Variants in ADRA1B observed in about 807,000 individuals in gnomAD.
The protein encoded by ADRA1B is alpha-1B adrenergic receptor.
Under a neutral mutation model 17.9 loss-of-function variants are expected in ADRA1B, and 17 were observed. The observed-to-expected ratio is 0.95, with a 90% confidence interval of 0.65 to 1.42. ADRA1B has a LOEUF of 1.42. Among genes scored for constraint, ADRA1B ranks in the 40% most tolerant of loss-of-function variants. ADRA1B has a pLI of 0.00. For synonymous variants in ADRA1B, 366 were observed against 327.6 expected (o/e 1.12, Z -1.27); for missense variants, 681 against 722.1 (o/e 0.94, Z 0.65).
intron 1 of ADRA1B, among the ~76,000 whole-genome samples, chr5:159,910,613 ACT>A (rs1465484970): frequency 2.0e-5 from 3 of 152,196 alleles, no homozygotes; most frequent in African/African-American, 4.8e-5. Context: ...CAGCTACTCA[ACT>A]CTGCCATTAT....
At chr5:159,963,941 GC>G (rs1306551344) in intron 1 of ADRA1B, among the ~76,000 whole-genome samples, 3 of 152,120 alleles carry the variant, frequency 2.0e-5, no homozygotes, top group Non-Finnish European at 4.4e-5. Context: ...TGGGCTCACG[GC>G]AACATCTGTT....
the ADRA1B span, among the ~76,000 whole-genome samples, chr5:159,982,459 A>C: frequency 2.0e-5 from 3 of 152,176 alleles, no homozygotes; most frequent in African/African-American, 7.2e-5. Context: ...AACAACCCAG[A>C]ACACTGGGAC....
chr5:159,939,322 T>TGTGCGCGCGC lies in ADRA1B; in HGVS notation c.949+21469_949+21470insTGCGCGCGCG, dbSNP rs1554090928. 1.1e-4 allele frequency among the ~76,000 whole-genome samples: 12 copies of TGTGCGCGCGC among 107,664 alleles called. No individual in the cohort carries two copies. The East Asian group carries it at 2.8e-3, about 26-fold the overall frequency. 70.6% of individuals were successfully genotyped at this position (107,664 alleles called of 152,430 possible). A position where few individuals can be genotyped will look rare whatever the true frequency, so the allele number is the denominator to read the frequency against. On this transcript the variant is annotated intron_variant, in intron 1 of 1. Transcript: ENST00000306675. Reference sequence around the variant, plus strand: ...GTGTGTGTGTGTGTGTGTGTGTGTGTGCGCGCGCGCGCGCACACAATGCAC... The same window carrying TGTGCGCGCGC: ...GTGTGTGTGTGTGTGTGTGTGTGTGTGTGCGCGCGCGCGCGCGCGCGCGCACACAATGCAC...
rs1214605078 is a variant in ADRA1B, at chr5:159,917,812, T to C, written c.907T>C (p.Phe303Leu). 3 of 1,612,828 alleles carry C rather than the reference T, an allele frequency of 1.9e-6. No homozygotes were observed. Among genetic ancestry groups the C allele is most frequent in the Non-Finnish European group, 2.5e-6 (3 of 1,179,756 alleles). The change falls in exon 1 of 2, where the codon TTC (phenylalanine) becomes CTC (leucine). Residue 303 changes from phenylalanine to leucine, a missense_variant. Around this residue, in one of 3 missense-constraint regions of ADRA1B, gnomAD observed 424 missense variants for 480.2 expected, o/e 0.88. Coordinates refer to ENST00000306675, the MANE Select transcript of ADRA1B (RefSeq NM_000679.4). ...AKTLGIVVGM[F>L]ILCWLPFFIA... ...GACGTTGGGCATTGTGGTCGGTATG[T>C]TCATCTTGTGCTGGCTACCCTTCTT...
intron 1 of ADRA1B, among the ~76,000 whole-genome samples, chr5:159,899,974 A>G (rs1754084217): frequency 6.6e-6 from 1 of 152,214 alleles, no homozygotes; most frequent in Non-Finnish European, 1.5e-5. Context: ...TTTTTTCCAA[A>G]TACCCAACTA....
chr5:159,874,687 C>A (rs1314303159), intron 1 of ADRA1B, among the ~76,000 whole-genome samples: 1 of 152,148 alleles, frequency 6.6e-6, no homozygotes, highest in Non-Finnish European at 1.5e-5. Flanking sequence ...AATTTAACAG[C>A]CTGAAGAATT....
At chr5:159,879,662 T>A (rs902128248) in intron 1 of ADRA1B, among the ~76,000 whole-genome samples, 6 of 152,182 alleles carry the variant, frequency 3.9e-5, no homozygotes, top group African/African-American at 1.4e-4. Context: ...TGTGTGTGGG[T>A]ACATGTGTGT....
At chr5:159,932,883 T>C (rs1256132019) in intron 1 of ADRA1B, among the ~76,000 whole-genome samples, 8 of 152,338 alleles carry the variant, frequency 5.3e-5, no homozygotes, top group South Asian at 2.1e-4. Context: ...TTTTTTCAGA[T>C]AGATCTCCAT....
chr5:159,975,473 A>G (rs769244937), downstream of ADRA1B, among the ~76,000 whole-genome samples: 1 of 152,252 alleles, frequency 6.6e-6, no homozygotes, highest in Non-Finnish European at 1.5e-5. Context: ...TCATTGTAGT[A>G]TAAACACCGA....
At chr5:159,870,906 G>A (rs1753730645) in intron 1 of ADRA1B, 1 of 152,216 alleles carries the variant, frequency 6.6e-6, no homozygotes, top group Non-Finnish European at 1.5e-5. Flanking sequence ...ATCAATTGTT[G>A]TTGCTTCAGC....
intron 1 of ADRA1B, among the ~76,000 whole-genome samples, chr5:159,969,262 T>C (rs1755825974): frequency 6.6e-6 from 1 of 152,214 alleles, no homozygotes; most frequent in African/African-American, 2.4e-5. Context: ...TCTTTCTAAG[T>C]TGAACTCCTG....
At chr5:159,904,824 C>T (rs965179448) in intron 1 of ADRA1B, among the ~76,000 whole-genome samples, 1 of 152,212 alleles carries the variant, frequency 6.6e-6, no homozygotes, top group Non-Finnish European at 1.5e-5. Context: ...ACTTTTAATT[C>T]ATCCTTGTAT....
chr5:159,871,899 A>G (rs1322413908), intron 1 of ADRA1B, among the ~76,000 whole-genome samples: 1 of 152,102 alleles, frequency 6.6e-6, no homozygotes, highest in Non-Finnish European at 1.5e-5. Context: ...CTATTTAAAC[A>G]TCTCTCTGCA....
chr5:159,969,327 G>C (rs1755827468), intron 1 of ADRA1B, among the ~76,000 whole-genome samples: 1 of 152,210 alleles, frequency 6.6e-6, no homozygotes, highest in Non-Finnish European at 1.5e-5. Flanking sequence ...AGCCACTACT[G>C]AGTTACTGGG....
At chr5:159,890,329 A>G (rs1322145916) in intron 1 of ADRA1B, among the ~76,000 whole-genome samples, 1 of 152,202 alleles carries the variant, frequency 6.6e-6, no homozygotes, top group Non-Finnish European at 1.5e-5. Context: ...CAGGTGTAGG[A>G]TACTTGCCCT....
chr5:159,886,571 A>G (rs1291584464), intron 1 of ADRA1B, among the ~76,000 whole-genome samples: 1 of 152,194 alleles, frequency 6.6e-6, no homozygotes, highest in Non-Finnish European at 1.5e-5. Flanking sequence ...GAAAGAAAGC[A>G]AATACTTGAA....
intron 1 of ADRA1B, among the ~76,000 whole-genome samples, chr5:159,898,913 G>C (rs1047198300): frequency 2.0e-5 from 3 of 152,154 alleles, no homozygotes; most frequent in African/African-American, 7.2e-5. Flanking sequence ...AGAGGCAGAG[G>C]CAGGAGGATA....
At position 159,865,713 on chromosome 5, in the gene ADRA1B, C is replaced by A. The variant is rs372338149; in HGVS notation, c.-256+507C>A. On this transcript the variant is annotated intron_variant, in intron 1 of 2. Transcript: ENST00000641205. Reference sequence around the variant, plus strand: ...AAAGCCCCATTTTGTTCAAAAAATCCCTTTTACGACATGCTTGTCACTGCT... The same window carrying A: ...AAAGCCCCATTTTGTTCAAAAAATCACTTTTACGACATGCTTGTCACTGCT... Among the ~76,000 whole-genome samples the A allele has an allele frequency of 2.6e-5, 4 of 152,216 alleles. No homozygotes were observed. The East Asian group carries it at 7.7e-4, about 29-fold the overall frequency.
At position 159,917,358 on chromosome 5, in the gene ADRA1B, G is replaced by T. The variant is rs142163774; in HGVS notation, c.453G>T (p.Leu151=). ...GCTACATCGGGGTGCGCTACTCTCT[G>T]CAGTATCCCACGCTGGTCACCCGGA... ...IDRYIGVRYS[L]QYPTLVTRRK... Residue 151 remains leucine, a synonymous_variant, in exon 1 of 2, where the codon CTG becomes CTT. Coordinates refer to ENST00000306675, the MANE Select transcript of ADRA1B (RefSeq NM_000679.4). 1 of 1,614,134 alleles carries T rather than the reference G, an allele frequency of 6.2e-7. No homozygotes were observed. Among genetic ancestry groups the T allele is most frequent in the South Asian group, 1.1e-5 (1 of 91,090 alleles).
Sources: allele counts gnomAD v4.1 joint callset (sites outside exome capture counted in the v4.1 genomes callset), GRCh38; gene constraint gnomAD v4.1.1; regional missense constraint gnomAD v4.1.1; transcripts MANE v1.5; gene names NCBI Gene and HGNC (gene_info 2026-07-23, HGNC 2026-07-21).